The following BICRAL variants were observed in gnomAD, a reference collection of about 807,000 sequenced individuals.
BICRAL encodes the protein BICRA like chromatin remodeling complex associated protein.
Under a neutral mutation model 91.8 loss-of-function variants are expected in BICRAL, and 8 were observed. The ratio of observed to expected loss-of-function variants is 0.09; its 90% CI spans 0.05 to 0.16. The LOEUF is 0.16. BICRAL is among the 10% of genes least tolerant of loss of function. The pLI is 1.00. For synonymous variants in BICRAL, 445 were observed against 491.1 expected, an observed-to-expected ratio of 0.91 and a Z score of 1.24; for missense variants, 1,038 against 1,310.9, an observed-to-expected ratio of 0.79 and a Z score of 3.21.
At chr6:42,796,990 G>A (rs1763430362) in intron 1 of BICRAL, among the ~76,000 whole-genome samples, 1 of 148,176 alleles carries the variant, frequency 6.7e-6, no homozygotes, top group South Asian at 2.1e-4. Context: ...GGTTGCGTGA[G>A]CTGAAATCGT....
chr6:42,822,986 A>T lies in BICRAL; in HGVS notation c.142A>T (p.Ile48Phe). 6.2e-7 allele frequency: 1 copy of T among 1,607,828 alleles called. No homozygotes were observed. The highest frequency in any genetic ancestry group is 8.5e-7 in the Non-Finnish European group (1 of 1,174,416). Residue 48 changes from isoleucine (I) to phenylalanine (F), a missense_variant, in exon 5 of 13, where the codon ATT becomes TTT. Around this residue, in one of 5 missense-constraint regions of BICRAL, gnomAD observed 115 missense variants for 121.5 expected, o/e 0.95. Transcript: ENST00000314073. ...AGYSAANSNSIFANSSNADPK... is the reference protein window; with the variant it reads ...AGYSAANSNSFFANSSNADPK... Reference sequence around the variant, plus strand: ...ATATTCTGCAGCCAATTCAAATTCAATTTTCGCCAACTCTAGTGTGAGTAT... The same window carrying T: ...ATATTCTGCAGCCAATTCAAATTCATTTTTCGCCAACTCTAGTGTGAGTAT...
At chr6:42,780,868 C>T (rs921906893), upstream of BICRAL, among the ~76,000 whole-genome samples, 4 of 152,020 alleles carry the variant, frequency 2.6e-5, no homozygotes, top group Admixed American at 2.6e-4. Flanking sequence ...TCCCGAGTAG[C>T]TGGGATTACA....
intron 1 of BICRAL, among the ~76,000 whole-genome samples, chr6:42,798,081 C>T (rs1369275867): frequency 6.6e-6 from 1 of 152,064 alleles, no homozygotes. Flanking sequence ...AGTGAACTAA[C>T]TCAGAAACAG....
chr6:42,789,941 T>C (rs1763219688), intron 1 of BICRAL, among the ~76,000 whole-genome samples: 1 of 152,156 alleles, frequency 6.6e-6, no homozygotes, highest in Admixed American at 6.6e-5. Context: ...ACTCAGTACT[T>C]GGAGAACCTA....
At chr6:42,792,051 A>G (rs113749072) in intron 1 of BICRAL, among the ~76,000 whole-genome samples, 26 of 152,316 alleles carry the variant, frequency 1.7e-4, no homozygotes, top group African/African-American at 5.5e-4. Flanking sequence ...TACAAAAGAA[A>G]AAAATGGTGC....
At chr6:42,752,145 G>T (rs1344512315) in intron 1 of BICRAL, among the ~76,000 whole-genome samples, 1 of 152,196 alleles carries the variant, frequency 6.6e-6, no homozygotes, top group African/African-American at 2.4e-5. Context: ...TGACAGTTGT[G>T]CAGGCAGGTC....
intron 1 of BICRAL, among the ~76,000 whole-genome samples, chr6:42,798,248 A>G (rs1261873326): frequency 6.6e-6 from 1 of 152,140 alleles, no homozygotes; most frequent in Non-Finnish European, 1.5e-5. Context: ...AGTGTTCACT[A>G]TTTGGGTAAT....
At chr6:42,817,904 T>C (rs1029195675) in intron 2 of BICRAL, among the ~76,000 whole-genome samples, 1 of 150,022 alleles carries the variant, frequency 6.7e-6, no homozygotes, top group Non-Finnish European at 1.5e-5. Context: ...ACTTAGGGGG[T>C]TAAGGATCTC....
At chr6:42,755,351 G>A (rs766718839) in intron 1 of BICRAL, among the ~76,000 whole-genome samples, 1 of 152,140 alleles carries the variant, frequency 6.6e-6, no homozygotes, top group South Asian at 2.1e-4. Flanking sequence ...TCAGGAGCTG[G>A]GGTATCCCTG....
chr6:42,829,696 A>G lies in BICRAL; in HGVS notation c.1363A>G (p.Asn455Asp), dbSNP rs1226222028. 5 of 1,614,212 alleles carry G rather than the reference A, an allele frequency of 3.1e-6. No homozygotes were observed. The South Asian group carries it at 3.3e-5, about 11-fold the overall frequency. Residue 455 changes from asparagine to aspartate, a missense_variant, in exon 6 of 13, where the codon AAC becomes GAC. Coordinates refer to ENST00000314073, the MANE Select transcript of BICRAL (RefSeq NM_001393499.1). ...NRNSSNMLRT[N>D]QPYTGPMLNN... ...AAACTCTTCCAACATGCTCAGGACCAACCAACCATATACTGGACCGATGCT... is the reference window on the plus strand; with the variant it reads ...AAACTCTTCCAACATGCTCAGGACCGACCAACCATATACTGGACCGATGCT...
intron 1 of BICRAL, among the ~76,000 whole-genome samples, chr6:42,807,191 A>C (rs1237511850): frequency 6.6e-6 from 1 of 151,232 alleles, no homozygotes; most frequent in East Asian, 2.0e-4. Context: ...TTATGTATTT[A>C]GTTATTTATT....
intron 6 of BICRAL, among the ~76,000 whole-genome samples, chr6:42,844,803 T>G (rs1254850957): frequency 6.6e-6 from 1 of 152,086 alleles, no homozygotes; most frequent in African/African-American, 2.4e-5. Flanking sequence ...AAGGGAATTA[T>G]TTTTGTAGTG....
intron 6 of BICRAL, among the ~76,000 whole-genome samples, chr6:42,832,352 A>C (rs1256314881): frequency 6.7e-6 from 1 of 148,182 alleles, no homozygotes; most frequent in East Asian, 2.0e-4. Flanking sequence ...ACTCCATCTC[A>C]AAAAAGTATA....
At chr6:42,748,458 A>G (rs186382309) in intron 1 of BICRAL, among the ~76,000 whole-genome samples, 103 of 152,300 alleles carry the variant, frequency 6.8e-4, no homozygotes, top group African/African-American at 2.4e-3. Flanking sequence ...CTGTATCCCA[A>G]GTGGAATTGA....
chr6:42,861,511 A>G (rs1581640918), intron 11 of BICRAL, among the ~76,000 whole-genome samples: 1 of 152,338 alleles, frequency 6.6e-6, no homozygotes, highest in Middle Eastern at 3.4e-3. Flanking sequence ...CGAACCTGAG[A>G]TTTGAGAAGC....
At chr6:42,842,817 A>G (rs1397852246) in intron 6 of BICRAL, among the ~76,000 whole-genome samples, 1 of 152,006 alleles carries the variant, frequency 6.6e-6, no homozygotes, top group African/African-American at 2.4e-5. Context: ...ATAACAATGT[A>G]TCCCAGACAG....
At position 42,823,011 on chromosome 6, in the gene BICRAL, T is replaced by C; in HGVS notation, c.159+8T>C. The C allele has an allele frequency of 6.4e-7, 1 of 1,555,896 alleles. No homozygotes were observed. The highest frequency in any genetic ancestry group is 8.9e-7 in the Non-Finnish European group (1 of 1,126,962). On this transcript the variant is annotated splice_region_variant and intron_variant, in intron 5 of 12. Coordinates refer to ENST00000314073, the MANE Select transcript of BICRAL (RefSeq NM_001393499.1). The stretch of plus-strand genomic sequence containing the variant: ...ATTTTCGCCAACTCTAGTGTGAGTA[T>C]TGGAAACTAAATGCAATGATTGAAT...
At chr6:42,864,368 A>G (rs1765645527) in intron 12 of BICRAL, among the ~76,000 whole-genome samples, 1 of 152,168 alleles carries the variant, frequency 6.6e-6, no homozygotes, top group South Asian at 2.1e-4. Context: ...CTTAGAGATC[A>G]GGACTGAGTG....
chr6:42,771,216 G>A (rs1157931366), intron 1 of BICRAL, among the ~76,000 whole-genome samples: 1 of 152,206 alleles, frequency 6.6e-6, no homozygotes, highest in East Asian at 1.9e-4. Context: ...GGTGTTGCAG[G>A]CAGGTTTCCT....
Sources: allele counts gnomAD v4.1 joint callset (sites outside exome capture counted in the v4.1 genomes callset), GRCh38; gene constraint gnomAD v4.1.1; regional missense constraint gnomAD v4.1.1; transcripts MANE v1.5; gene names NCBI Gene and HGNC (gene_info 2026-07-23, HGNC 2026-07-21).